MAN1C1: variants seen among roughly 807,000 people sequenced by gnomAD.
MAN1C1 encodes the protein mannosidase alpha class 1C member 1, also known as mannosyl-oligosaccharide 1,2-alpha-mannosidase IC.
A neutral mutation model predicts 71.5 loss-of-function variants in MAN1C1; 49 were observed. The observed-to-expected ratio is 0.69, with a 90% confidence interval of 0.54 to 0.87. The LOEUF is 0.87. Among genes scored for constraint, MAN1C1 ranks in the 40% least tolerant of loss-of-function variants. The pLI, the probability that MAN1C1 is intolerant of heterozygous loss-of-function variation, is 0.00. For missense variants in MAN1C1, 743 were observed against 835.0 expected (o/e 0.89, Z 1.36); for synonymous variants, 352 against 343.7 (o/e 1.02, Z -0.27).
At chr1:25,721,144 TTATA>T (rs1261568068) in intron 2 of MAN1C1, among the ~76,000 whole-genome samples, 1 of 152,148 alleles carries the variant, frequency 6.6e-6, no homozygotes, top group African/African-American at 2.4e-5. Context: ...TCTGGGTCCC[TTATA>T]TTTATTTCCA....
At chr1:25,717,047 G>A (rs2046690350) in intron 2 of MAN1C1, among the ~76,000 whole-genome samples, 1 of 152,122 alleles carries the variant, frequency 6.6e-6, no homozygotes, top group Non-Finnish European at 1.5e-5. Flanking sequence ...GATATGCTAT[G>A]GTTTATTTTT....
intron 1 of MAN1C1, among the ~76,000 whole-genome samples, chr1:25,632,167 C>T (rs904832014): frequency 2.0e-5 from 3 of 152,194 alleles, no homozygotes; most frequent in Non-Finnish European, 4.4e-5. Flanking sequence ...TTTAAATTTA[C>T]TGATTGAATC....
Position 25,782,294 on chromosome 1 carries a change from C to A in MAN1C1, c.1651-291C>A, listed in dbSNP as rs948031841. 6.6e-6 allele frequency among the ~76,000 whole-genome samples: 1 copy of A among 152,064 alleles called. No individual in the cohort carries two copies. The highest frequency in any genetic ancestry group is 2.1e-4 in the South Asian group (1 of 4,828). On this transcript the variant is annotated intron_variant, in intron 10 of 11. Coordinates refer to ENST00000374332, the MANE Select transcript of MAN1C1 (RefSeq NM_020379.4). The surrounding 1 kb of genome is among the most constrained non-coding windows in gnomAD (Gnocchi z 4.4). ...TAGTCCCCTGAAACACAAAGAGAAGCTTCCTCTAAGTTCAAACCAGGTGAA... is the reference window on the plus strand; with the variant it reads ...TAGTCCCCTGAAACACAAAGAGAAGATTCCTCTAAGTTCAAACCAGGTGAA...
At chr1:25,736,609 C>G (rs972097308) in intron 2 of MAN1C1, among the ~76,000 whole-genome samples, 3 of 152,160 alleles carry the variant, frequency 2.0e-5, no homozygotes, top group Non-Finnish European at 2.9e-5. Context: ...TCACTGCAGC[C>G]TCTACCTCCT....
At chr1:25,645,403 G>A (rs554077153) in intron 1 of MAN1C1, 42 of 152,364 alleles carry the variant, frequency 2.8e-4, no homozygotes, top group African/African-American at 9.9e-4. Context: ...TATCCCAGCA[G>A]AATGCCCAGA....
chr1:25,767,150 G>A (rs931938225), intron 7 of MAN1C1, among the ~76,000 whole-genome samples: 4 of 147,626 alleles, frequency 2.7e-5, no homozygotes, highest in Non-Finnish European at 4.4e-5. Context: ...GACCACACTC[G>A]TACACACACA....
In MAN1C1 at chr1:25,618,311, C is replaced by G. The variant is rs1378211727; in HGVS notation, c.514C>G (p.Arg172Gly). ...GAGTCAGGAGCCCCAGAGCCAAGTG[C>G]GAGCCCAGCGGGAGAAAATCAAGGA... ...DESQEPQSQVRAQREKIKEMM... is the reference protein window; with the variant it reads ...DESQEPQSQVGAQREKIKEMM... The change falls in exon 1 of 12, where the codon CGA becomes GGA. Residue 172 changes from arginine to glycine, a missense_variant. Coordinates refer to ENST00000374332, the MANE Select transcript of MAN1C1 (RefSeq NM_020379.4). 6.2e-7 allele frequency: 1 copy of G among 1,601,990 alleles called. No homozygotes were observed. The highest frequency in any genetic ancestry group is 1.1e-5 in the South Asian group (1 of 88,628).
chr1:25,687,757 G>A (rs556453610), intron 2 of MAN1C1, among the ~76,000 whole-genome samples: 1 of 152,182 alleles, frequency 6.6e-6, no homozygotes, highest in African/African-American at 2.4e-5. Flanking sequence ...GACTGGGGCA[G>A]CTTTATGTAT....
At chr1:25,768,059 T>TCACACACA (rs145494997) in intron 7 of MAN1C1, among the ~76,000 whole-genome samples, 2 of 12,824 alleles carry the variant, frequency 1.6e-4, no homozygotes, top group Admixed American at 1.1e-3. Context: ...CACACTCCCC[T>TCACACACA]CACACACACA....
chr1:25,744,134 A>C (rs773729147), intron 2 of MAN1C1, among the ~76,000 whole-genome samples: 18 of 152,142 alleles, frequency 1.2e-4, no homozygotes, highest in African/African-American at 3.4e-4. Flanking sequence ...ATAGAACAGG[A>C]AGGGGCCTGA....
Position 25,746,800 on chromosome 1 carries a change from CGGCGGGGGAGGGGGGCGGGGGCCAG to C in MAN1C1, c.753+18_753+42del. ...CTGAACGTGGTGAGTCAGAGGCCCT[CGGCGGGGGAGGGGGGCGGGGGCCAG>C]AAGAGGCCCAACAGCCAGCTTCACC... On this transcript the variant is annotated intron_variant, in intron 3 of 11. Coordinates refer to ENST00000374332, the MANE Select transcript of MAN1C1 (RefSeq NM_020379.4). This position sits in a 1 kb window ranked among gnomAD's most constrained non-coding sequence, Gnocchi z 4.0. The C allele has an allele frequency of 1.3e-6, 1 of 751,986 alleles. No individual in the cohort carries two copies. The highest frequency in any genetic ancestry group is 2.0e-6 in the Non-Finnish European group (1 of 512,692). 46.6% of individuals were successfully genotyped at this position (751,986 alleles called of 1,614,324 possible). A position where few individuals can be genotyped will look rare whatever the true frequency, so the allele number is the denominator to read the frequency against.
At chr1:25,742,014 A>G (rs186373313) in intron 2 of MAN1C1, among the ~76,000 whole-genome samples, 1 of 152,242 alleles carries the variant, frequency 6.6e-6, no homozygotes, top group East Asian at 1.9e-4. Flanking sequence ...AGGGAGGCAA[A>G]GCCCCACAGT....
chr1:25,716,932 T>C (rs2046688870), intron 2 of MAN1C1, among the ~76,000 whole-genome samples: 1 of 152,192 alleles, frequency 6.6e-6, no homozygotes, highest in South Asian at 2.1e-4. Context: ...CAGTGTGTAT[T>C]CTTGTGTCTG....
At chr1:25,661,550 A>G (rs989247214) in intron 1 of MAN1C1, among the ~76,000 whole-genome samples, 1 of 152,058 alleles carries the variant, frequency 6.6e-6, no homozygotes, top group Non-Finnish European at 1.5e-5. Flanking sequence ...GGATCTTTCA[A>G]CCTCACACCA....
chr1:25,718,699 A>G (rs1409595882), intron 2 of MAN1C1, among the ~76,000 whole-genome samples: 1 of 152,180 alleles, frequency 6.6e-6, no homozygotes, highest in Non-Finnish European at 1.5e-5. Flanking sequence ...GGTCTTTTGT[A>G]TCTGACTTCT....
intron 1 of MAN1C1, among the ~76,000 whole-genome samples, chr1:25,655,504 G>C (rs1350241001): frequency 6.6e-6 from 1 of 152,214 alleles, no homozygotes; most frequent in African/African-American, 2.4e-5. Flanking sequence ...TTGGCTTCAA[G>C]GGAGTGAGCT....
rs919371476 is a variant in MAN1C1 at position 25,753,727 on chromosome 1, G to A, written c.929+149G>A. ...CCTTGGGACCACCTCTGTTGAACCCGTTCTTTTATGATGTAGAAACTGAGG... is the reference window on the plus strand; with the variant it reads ...CCTTGGGACCACCTCTGTTGAACCCATTCTTTTATGATGTAGAAACTGAGG... On this transcript the variant is annotated intron_variant, in intron 5 of 11. Coordinates refer to ENST00000374332, the MANE Select transcript of MAN1C1 (RefSeq NM_020379.4). This position sits in a 1 kb window ranked among gnomAD's most constrained non-coding sequence, Gnocchi z 4.9. 1.3e-5 allele frequency: 8 copies of A among 623,368 alleles called. No homozygotes were observed. The highest frequency in any genetic ancestry group is 9.2e-5 in the Admixed American group (3 of 32,456). 38.6% of individuals were successfully genotyped at this position (623,368 alleles called of 1,614,324 possible).
intron 4 of MAN1C1, among the ~76,000 whole-genome samples, chr1:25,752,507 G>T (rs2047230490): frequency 6.6e-6 from 1 of 152,182 alleles, no homozygotes; most frequent in African/African-American, 2.4e-5. Context: ...TTTGTTGCAT[G>T]GAGCCATTAT....
At chr1:25,646,405 C>G (rs2045614060) in intron 1 of MAN1C1, 1 of 152,258 alleles carries the variant, frequency 6.6e-6, no homozygotes, top group African/African-American at 2.4e-5. Context: ...GCATAGATGG[C>G]TGTGGGAGGT....
Sources: gnomAD v4.1 joint callset for allele counts (sites outside exome capture counted in the v4.1 genomes callset) on GRCh38, gnomAD v4.1.1 for gene constraint, Gnocchi (gnomAD v3.1) non-coding constraint, MANE v1.5 for transcripts, NCBI Gene and HGNC (gene_info 2026-07-23, HGNC 2026-07-21) for gene names.